The following FGD4 variants were observed in gnomAD, a reference collection of about 807,000 sequenced individuals.
The protein encoded by FGD4 is FYVE, RhoGEF and PH domain containing 4, also known as FYVE, RhoGEF and PH domain-containing protein 4.
In FGD4, 42 loss-of-function variants were observed where a neutral mutation model predicts 102.0. The ratio of observed to expected loss-of-function variants is 0.41; its 90% CI spans 0.32 to 0.53. FGD4 has a LOEUF of 0.53. FGD4 is among the 20% of genes least tolerant of loss of function. The pLI is 0.21. For missense variants in FGD4, 902 were observed against 1,078.2 expected (o/e 0.84, Z 2.29); for synonymous variants, 380 against 375.7 (o/e 1.01, Z -0.13).
chr12:32,560,830 C>T (rs1400814616), intron 1 of FGD4, among the ~76,000 whole-genome samples: 1 of 151,716 alleles, frequency 6.6e-6, no homozygotes, highest in African/African-American at 2.4e-5. Context: ...GTAGCTGGGA[C>T]CACAAGCGCG....
chr12:32,480,876 T>TCA (rs998703169), intron 1 of FGD4, among the ~76,000 whole-genome samples: 3 of 150,824 alleles, frequency 2.0e-5, no homozygotes, highest in African/African-American at 7.3e-5. Flanking sequence ...CCATTATGGC[T>TCA]CACTACAGCC....
At chr12:32,614,114 C>A (rs1592410660) in intron 10 of FGD4, among the ~76,000 whole-genome samples, 1 of 152,138 alleles carries the variant, frequency 6.6e-6, no homozygotes, top group Admixed American at 6.5e-5. Context: ...GTAGCCAATA[C>A]CACAGACATC....
chr12:32,489,115 T>A (rs1481517265), intron 1 of FGD4, among the ~76,000 whole-genome samples: 1 of 152,216 alleles, frequency 6.6e-6, no homozygotes, highest in East Asian at 1.9e-4. Context: ...ATTTCATGCA[T>A]CTCAGCCTCT....
intron 4 of FGD4, among the ~76,000 whole-genome samples, chr12:32,597,094 T>C (rs1173984895): frequency 1.3e-5 from 2 of 152,194 alleles, no homozygotes; most frequent in African/African-American, 4.8e-5. Flanking sequence ...GCTTAATTAT[T>C]TGGAAATACT....
intron 1 of FGD4, among the ~76,000 whole-genome samples, chr12:32,509,241 C>CTTTTTT (rs35053299): frequency 7.5e-6 from 1 of 132,692 alleles, no homozygotes; most frequent in African/African-American, 2.8e-5. Context: ...CTTTTATTCT[C>CTTTTTT]TTTTTTTTTT....
chr12:32,452,886 G>T (rs1486888855), intron 1 of FGD4, among the ~76,000 whole-genome samples: 1 of 151,980 alleles, frequency 6.6e-6, no homozygotes, highest in Non-Finnish European at 1.5e-5. Context: ...TTACTCAGCA[G>T]GCTGAGGTGG....
chr12:32,564,640 A>C (rs1414651520), intron 2 of FGD4, among the ~76,000 whole-genome samples: 1 of 152,204 alleles, frequency 6.6e-6, no homozygotes, highest in Non-Finnish European at 1.5e-5. Flanking sequence ...GATTTGCTAG[A>C]TGTCAGTATC....
chr12:32,504,813 T>TA (rs1938548330), intron 1 of FGD4, among the ~76,000 whole-genome samples: 1 of 152,244 alleles, frequency 6.6e-6, no homozygotes, highest in Admixed American at 6.5e-5. Context: ...TAGTTCAGCA[T>TA]ACGCAGTCAA....
intron 1 of FGD4, among the ~76,000 whole-genome samples, chr12:32,547,377 T>C (rs1331902851): frequency 6.6e-6 from 1 of 152,090 alleles, no homozygotes; most frequent in Non-Finnish European, 1.5e-5. Flanking sequence ...GAGTTTGAGG[T>C]TGCAGTGAGA....
chr12:32,502,029 G>T (rs1938256341), intron 1 of FGD4: 3 of 985,456 alleles, frequency 3.0e-6, no homozygotes, highest in East Asian at 2.3e-4. Context: ...CCTTCCTTTA[G>T]GATTTGCAAG....
At chr12:32,459,468 T>C (rs1203512297) in intron 1 of FGD4, among the ~76,000 whole-genome samples, 1 of 152,100 alleles carries the variant, frequency 6.6e-6, no homozygotes, top group African/African-American at 2.4e-5. Flanking sequence ...GCTGGGATTA[T>C]AGGCATGAGC....
At chr12:32,405,575 A>C (rs1004688204) in intron 1 of FGD4, among the ~76,000 whole-genome samples, 3 of 152,118 alleles carry the variant, frequency 2.0e-5, no homozygotes, top group Non-Finnish European at 4.4e-5. Context: ...GTGGTCTTTT[A>C]ATGAATAGCC....
intron 4 of FGD4, among the ~76,000 whole-genome samples, chr12:32,588,892 G>A (rs1947256441): frequency 6.6e-6 from 1 of 152,124 alleles, no homozygotes; most frequent in African/African-American, 2.4e-5. Flanking sequence ...TGAGAGAAAT[G>A]GAAAGCTAAA....
chr12:32,645,531 G>T lies in FGD4; in HGVS notation c.*4998G>T, dbSNP rs1238367144. ...ATCTGGGCCAGGCACGGTAGCCCAT[G>T]CCTGTAATCCCAGCACTTTGGGAGG... On this transcript the variant is annotated 3_prime_UTR_variant, in exon 17 of 17. Coordinates refer to ENST00000534526, the MANE Select transcript of FGD4 (RefSeq NM_001370298.3). 2.0e-5 allele frequency: 3 copies of T among 152,192 alleles called. No homozygotes were observed. Among genetic ancestry groups the T allele is most frequent in the African/African-American group, 7.2e-5 (3 of 41,414 alleles). The allele number at this position is 152,192 out of a possible 1,614,324, so 9.4% of individuals were successfully genotyped here.
At chr12:32,433,054 T>TG (rs1942108486) in intron 1 of FGD4, among the ~76,000 whole-genome samples, 1 of 152,074 alleles carries the variant, frequency 6.6e-6, no homozygotes, top group Admixed American at 6.6e-5. Context: ...TGGAGTACAG[T>TG]GGCACAATCT....
At chr12:32,513,376 A>C (rs949680087) in intron 1 of FGD4, among the ~76,000 whole-genome samples, 5 of 152,322 alleles carry the variant, frequency 3.3e-5, no homozygotes, top group African/African-American at 1.2e-4. Context: ...GATAAATGGC[A>C]CCAGATTATG....
intron 14 of FGD4, among the ~76,000 whole-genome samples, chr12:32,626,209 C>G (rs996120870): frequency 6.6e-6 from 1 of 152,176 alleles, no homozygotes; most frequent in African/African-American, 2.4e-5. Context: ...CTTTGGGAGG[C>G]CGAGGCAGGC....
chr12:32,526,695 G>T (rs1941258514), intron 1 of FGD4, among the ~76,000 whole-genome samples: 2 of 152,196 alleles, frequency 1.3e-5, no homozygotes, highest in African/African-American at 2.4e-5. Flanking sequence ...TCTTGCTGCT[G>T]CTCACTCTTT....
Position 32,607,511 on chromosome 12 carries a change from C to CTGTTGT in FGD4, c.1405-435_1405-430dup, listed in dbSNP as rs113718107. On this transcript the variant is annotated intron_variant, in intron 7 of 16. Coordinates refer to ENST00000534526, the MANE Select transcript of FGD4 (RefSeq NM_001370298.3). The stretch of plus-strand genomic sequence containing the variant: ...GAGGTGGGGTTCAGAAATCTGTTTT[C>CTGTTGT]TGTTGTTGTTGTTGTTTTTTTTGAG... 3.3e-3 allele frequency among the ~76,000 whole-genome samples: 497 copies of CTGTTGT among 150,264 alleles called. 1 individual carries two copies. The highest frequency in any genetic ancestry group is 0.012 in the African/African-American group (461 of 39,796).
Sources: gnomAD v4.1 joint callset for allele counts (sites outside exome capture counted in the v4.1 genomes callset) on GRCh38, gnomAD v4.1.1 for gene constraint, MANE v1.5 for transcripts, NCBI Gene and HGNC (gene_info 2026-07-23, HGNC 2026-07-21) for gene names.